Variants in NETO1 observed in about 807,000 individuals in gnomAD.
NETO1 encodes neuropilin and tolloid like 1.
Under a neutral mutation model 61.3 loss-of-function variants are expected in NETO1, and 26 were observed. That is an observed-to-expected ratio of 0.42 (90% CI 0.31 to 0.59). The LOEUF is 0.59. Ranked by LOEUF, NETO1 falls within the 20% of genes least tolerant of loss-of-function variation. The pLI is 0.12. For missense variants in NETO1, 531 were observed against 662.8 expected, an observed-to-expected ratio of 0.80 and a Z score of 2.18; for synonymous variants, 225 against 225.8, an observed-to-expected ratio of 1.00 and a Z score of 0.03.
Position 72,756,041 on chromosome 18 carries a change from G to A in NETO1, c.975C>T (p.His325=), listed in dbSNP as rs2145105894. 1 of 1,585,430 alleles carries A rather than the reference G, an allele frequency of 6.3e-7. No individual in the cohort carries two copies. Among genetic ancestry groups the A allele is most frequent in the Non-Finnish European group, 8.7e-7 (1 of 1,155,644 alleles). ...QNCVYPWDEN[H]CKEKRKTSLL... is the part of the protein sequence containing the mutation. ...TCAGGCACTAATCATTACCTTTACA[G>A]TGATTTTCATCCCAAGGATACACAC... Residue 325 remains histidine, a synonymous_variant, in exon 8 of 11, where the codon CAC becomes CAT. Coordinates refer to ENST00000327305, the MANE Select transcript of NETO1 (RefSeq NM_138966.5).
intron 4 of NETO1, among the ~76,000 whole-genome samples, chr18:72,839,804 T>A (rs1568246872): frequency 6.6e-6 from 1 of 152,126 alleles, no homozygotes; most frequent in Non-Finnish European, 1.5e-5. Flanking sequence ...ATGTTATAAG[T>A]TTTTTGTCCT....
chr18:72,781,487 C>G (rs1476678326), intron 7 of NETO1, among the ~76,000 whole-genome samples: 1 of 152,128 alleles, frequency 6.6e-6, no homozygotes, highest in Non-Finnish European at 1.5e-5. Flanking sequence ...TTTTAATCAA[C>G]TACTGAACCA....
chr18:72,853,583 T>C (rs1156597362), intron 4 of NETO1, among the ~76,000 whole-genome samples: 2 of 151,880 alleles, frequency 1.3e-5, no homozygotes, highest in African/African-American at 2.4e-5. Context: ...CATGGTGAAA[T>C]CCCATCTCTA....
Position 72,867,378 on chromosome 18 carries a change from G to C in NETO1, c.-87C>G, listed in dbSNP as rs969920089. 4.5e-6 allele frequency: 5 copies of C among 1,117,798 alleles called. No individual in the cohort carries two copies. The highest frequency in any genetic ancestry group is 3.5e-5 in the South Asian group (2 of 57,532). 69.2% of individuals were successfully genotyped at this position (1,117,798 alleles called of 1,614,324 possible). A position where few individuals can be genotyped will look rare whatever the true frequency, so the allele number is the denominator to read the frequency against. Reference sequence around the variant, plus strand: ...CCAGTGGCGGGGGGAGGACAGGGTCGAGAGGTGTTAAAGACGCAAAGCAAG... The same window carrying C: ...CCAGTGGCGGGGGGAGGACAGGGTCCAGAGGTGTTAAAGACGCAAAGCAAG... On this transcript the variant is annotated 5_prime_UTR_variant, in exon 1 of 11. Coordinates refer to ENST00000327305, the MANE Select transcript of NETO1 (RefSeq NM_138966.5).
intron 4 of NETO1, among the ~76,000 whole-genome samples, chr18:72,837,650 T>A (rs9966752): frequency 0.19 from 28,644 of 152,216 alleles, 3,110 homozygotes; most frequent in Middle Eastern, 0.28. Context: ...ATGTAACTGA[T>A]TTACTGAACT....
At chr18:72,843,071 G>A (rs2073982530) in intron 4 of NETO1, among the ~76,000 whole-genome samples, 1 of 152,118 alleles carries the variant, frequency 6.6e-6, no homozygotes, top group African/African-American at 2.4e-5. Context: ...AAATTTGGGA[G>A]GGGATGTTTT....
chr18:72,767,097 T>C (rs1038532229), intron 7 of NETO1, among the ~76,000 whole-genome samples: 3 of 152,200 alleles, frequency 2.0e-5, no homozygotes, highest in African/African-American at 7.2e-5. Flanking sequence ...AAAGGTGCAA[T>C]ACTTGCTCTC....
chr18:72,850,829 T>C (rs2074225862), intron 4 of NETO1, among the ~76,000 whole-genome samples: 2 of 152,176 alleles, frequency 1.3e-5, no homozygotes, highest in African/African-American at 2.4e-5. Flanking sequence ...CATTTGATGA[T>C]GGGATTCGAC....
intron 8 of NETO1, among the ~76,000 whole-genome samples, 171 bp from the exon 9 acceptor site, chr18:72,750,791 T>C (rs1322497877): frequency 6.6e-6 from 1 of 150,668 alleles, no homozygotes; most frequent in African/African-American, 2.4e-5. Flanking sequence ...AAATACAAGG[T>C]CTCGTTTTTC....
chr18:72,797,147 CATT>C (rs1237950549), intron 4 of NETO1, among the ~76,000 whole-genome samples: 1 of 152,078 alleles, frequency 6.6e-6, no homozygotes, highest in Non-Finnish European at 1.5e-5. Context: ...AATTAATACT[CATT>C]ATCTCCTTCT....
intron 4 of NETO1, among the ~76,000 whole-genome samples, chr18:72,848,320 C>T (rs551215172): frequency 6.6e-6 from 1 of 151,980 alleles, no homozygotes; most frequent in Non-Finnish European, 1.5e-5. Context: ...TCCCATGTTG[C>T]CCAAAAGTCT....
chr18:72,748,807 A>T (rs980005344), intron 10 of NETO1, among the ~76,000 whole-genome samples: 1 of 152,110 alleles, frequency 6.6e-6, no homozygotes, highest in Non-Finnish European at 1.5e-5. Flanking sequence ...GATGTTAAGA[A>T]TACTAAGATT....
rs895218093 is a variant in NETO1, at chr18:72,846,394, A to G, written c.469+12432T>C. ...GTGGCGTGCTCTTGTAGTCCCAGCT[A>G]CTGGGGAGGCTGAGGCAGGAGAATC... On this transcript the variant is annotated intron_variant, in intron 4 of 10. Transcript: ENST00000327305. 1.1e-4 allele frequency among the ~76,000 whole-genome samples: 16 copies of G among 149,690 alleles called. No homozygotes were observed. The South Asian group carries it at 2.4e-3, about 22-fold the overall frequency.
At chr18:72,793,302 T>A (rs1207402411) in intron 6 of NETO1, among the ~76,000 whole-genome samples, 1 of 152,186 alleles carries the variant, frequency 6.6e-6, no homozygotes, top group African/African-American at 2.4e-5. Flanking sequence ...ACAAATAACA[T>A]CTTAGACCTG....
At position 72,830,353 on chromosome 18, in the gene NETO1, C is replaced by T. The variant is rs757217592; in HGVS notation, c.469+28473G>A. Among the ~76,000 whole-genome samples, 10 of 152,230 alleles carry T rather than the reference C, an allele frequency of 6.6e-5. No homozygotes were observed. The highest frequency in any genetic ancestry group is 6.8e-3 in the Middle Eastern group (2 of 294). ...CTGGACAGCGTCCAAACCCCAGAAA[C>T]GGGTTGGCAGGGAGGCCACAACTTC... On this transcript the variant is annotated intron_variant, in intron 4 of 10. Transcript: ENST00000327305. This position sits in a 1 kb window ranked among gnomAD's most constrained non-coding sequence, Gnocchi z 4.9.
intron 4 of NETO1, among the ~76,000 whole-genome samples, chr18:72,844,778 G>GT (rs923472414): frequency 7.2e-5 from 11 of 152,200 alleles, no homozygotes; most frequent in South Asian, 4.1e-4. Context: ...GGTTTTGTTT[G>GT]TTTTTTTGTT....
chr18:72,850,883 T>C (rs1370575619), intron 4 of NETO1, among the ~76,000 whole-genome samples: 3 of 152,142 alleles, frequency 2.0e-5, no homozygotes, highest in African/African-American at 7.2e-5. Flanking sequence ...CCTCTACCAT[T>C]CCATAAAACA....
chr18:72,794,776 A>G (rs2072255667), intron 4 of NETO1, among the ~76,000 whole-genome samples: 1 of 152,198 alleles, frequency 6.6e-6, no homozygotes, highest in Non-Finnish European at 1.5e-5. Context: ...GTTTTTGTAA[A>G]AAGTATCAAT....
At chr18:72,769,687 G>A (rs1415880163) in intron 7 of NETO1, among the ~76,000 whole-genome samples, 1 of 151,996 alleles carries the variant, frequency 6.6e-6, no homozygotes, top group Non-Finnish European at 1.5e-5. Flanking sequence ...ATATATAATA[G>A]ATGACATGTA....
Sources: allele counts gnomAD v4.1 joint callset (sites outside exome capture counted in the v4.1 genomes callset), GRCh38; gene constraint gnomAD v4.1.1; non-coding constraint Gnocchi (gnomAD v3.1); transcripts MANE v1.5; gene names NCBI Gene and HGNC (gene_info 2026-07-23, HGNC 2026-07-21).